The following CLNK variants were observed in gnomAD, a reference collection of about 807,000 sequenced individuals.
CLNK encodes the protein cytokine-dependent hematopoietic cell linker.
CLNK carries 74 observed loss-of-function variants against 68.6 expected under a neutral mutation model. That is an observed-to-expected ratio of 1.08 (90% CI 0.89 to 1.31). The LOEUF (loss-of-function observed/expected upper bound fraction) is 1.31. Ranked by LOEUF, CLNK falls within the 50% of genes most tolerant of loss-of-function variation. CLNK has a pLI of 0.00. For missense variants in CLNK, 553 were observed against 515.3 expected (o/e 1.07, Z -0.71); for synonymous variants, 198 against 172.2 (o/e 1.15, Z -1.17).
chr4:10,602,287 T>A (rs540394221), intron 2 of CLNK, among the ~76,000 whole-genome samples: 6 of 152,310 alleles, frequency 3.9e-5, no homozygotes, highest in African/African-American at 1.4e-4. Context: ...TTGAATTGAT[T>A]TGTGGGTTTA....
At chr4:10,531,532 G>A in intron 12 of CLNK, 1 of 286,702 alleles carries the variant, frequency 3.5e-6, no homozygotes, top group Non-Finnish European at 7.0e-6. Flanking sequence ...TGCCTCCTGG[G>A]TTCAAGCGAT....
rs1186013211 is a variant in CLNK, at chr4:10,586,061, G to A, written c.84-1106C>T. 2.0e-5 allele frequency among the ~76,000 whole-genome samples: 3 copies of A among 152,112 alleles called. No homozygotes were observed. The East Asian group carries it at 5.8e-4, about 29-fold the overall frequency. On this transcript the variant is annotated intron_variant, in intron 3 of 18. Transcript: ENST00000226951. ...ACTCTCATGCACGGTTCACGGTAGG[G>A]TTTGTGCTCCTATGAGAATCTAATG...
At chr4:10,693,010 C>T in the CLNK span, among the ~76,000 whole-genome samples, 1 of 152,152 alleles carries the variant, frequency 6.6e-6, no homozygotes, top group Non-Finnish European at 1.5e-5. Flanking sequence ...AATCTGGGGA[C>T]ATAATTTTCA....
intron 2 of CLNK, chr4:10,598,739 G>T: frequency 2.5e-6 from 1 of 397,746 alleles, no homozygotes; most frequent in Non-Finnish European, 5.1e-6. Context: ...CATTTAATCA[G>T]CCACGTTTCC....
intron 2 of CLNK, among the ~76,000 whole-genome samples, chr4:10,652,645 G>A (rs1723791826): frequency 6.6e-6 from 1 of 152,036 alleles, no homozygotes; most frequent in African/African-American, 2.4e-5. Flanking sequence ...TCACCAGGAG[G>A]GAATAATAGT....
chr4:10,560,743 T>A (rs1421901864), intron 7 of CLNK, among the ~76,000 whole-genome samples: 1 of 152,226 alleles, frequency 6.6e-6, no homozygotes, highest in Non-Finnish European at 1.5e-5. Flanking sequence ...CACACCTGGC[T>A]GGAGATCCAT....
chr4:10,602,482 G>A (rs1284764452), intron 2 of CLNK, among the ~76,000 whole-genome samples: 1 of 152,200 alleles, frequency 6.6e-6, no homozygotes, highest in Non-Finnish European at 1.5e-5. Context: ...CCCATGTGAA[G>A]ATGGCGGAGA....
intron 8 of CLNK, among the ~76,000 whole-genome samples, chr4:10,549,161 C>T (rs1719348776): frequency 6.6e-6 from 1 of 152,216 alleles, no homozygotes; most frequent in South Asian, 2.1e-4. Context: ...GGGATTTCAG[C>T]CGCATCAAAT....
the CLNK span, among the ~76,000 whole-genome samples, chr4:10,701,893 G>A: frequency 3.3e-5 from 5 of 152,176 alleles, no homozygotes; most frequent in Admixed American, 6.5e-5. Context: ...GGGAGAAAGC[G>A]TGGTTAGGCA....
chr4:10,645,761 A>G (rs1443079490), intron 2 of CLNK, among the ~76,000 whole-genome samples: 3 of 152,212 alleles, frequency 2.0e-5, no homozygotes, highest in Non-Finnish European at 2.9e-5. Flanking sequence ...AAGTTCTAGT[A>G]TTCAAGAGTA....
the CLNK span, among the ~76,000 whole-genome samples, chr4:10,691,465 G>A: frequency 6.6e-6 from 1 of 152,124 alleles, no homozygotes; most frequent in African/African-American, 2.4e-5. Flanking sequence ...AGACAGAGAC[G>A]TAAGTTCCAA....
At chr4:10,559,431 C>G (rs1275655251) in intron 7 of CLNK, among the ~76,000 whole-genome samples, 1 of 152,118 alleles carries the variant, frequency 6.6e-6, no homozygotes, top group Non-Finnish European at 1.5e-5. Flanking sequence ...ATTACACCAT[C>G]AGCTTTCAAT....
intron 2 of CLNK, among the ~76,000 whole-genome samples, chr4:10,653,883 G>A (rs1466604374): frequency 6.6e-6 from 1 of 152,196 alleles, no homozygotes; most frequent in African/African-American, 2.4e-5. Flanking sequence ...AAACACGTAT[G>A]TAGAAAAATA....
In CLNK at chr4:10,488,773, C is replaced by T. The variant is rs1246760930; in HGVS notation, c.*1694G>A. On this transcript the variant is annotated 3_prime_UTR_variant, in exon 19 of 19. Coordinates refer to ENST00000226951, the MANE Select transcript of CLNK (RefSeq NM_052964.4). ...GATGCTAAGAGCTTTTCCCAGAGAG[C>T]TCATTGTCTGCTGTCTTACAAAAGA... 1 of 152,220 alleles carries T rather than the reference C, an allele frequency of 6.6e-6. No homozygotes were observed. Among genetic ancestry groups the T allele is most frequent in the Non-Finnish European group, 1.5e-5 (1 of 68,036 alleles). The allele number at this position is 152,220 out of a possible 1,614,324, so 9.4% of individuals were successfully genotyped here.
intron 2 of CLNK, among the ~76,000 whole-genome samples, chr4:10,656,124 A>T (rs1284166891): frequency 6.6e-6 from 1 of 152,140 alleles, no homozygotes; most frequent in East Asian, 1.9e-4. Context: ...CAACGTAGGA[A>T]GCTATGATCT....
At chr4:10,651,456 C>T (rs1426482648) in intron 2 of CLNK, among the ~76,000 whole-genome samples, 3 of 152,120 alleles carry the variant, frequency 2.0e-5, no homozygotes, top group Non-Finnish European at 4.4e-5. Flanking sequence ...TAACAGAAAA[C>T]CTAACTCCGT....
chr4:10,529,027 A>C (rs1455505523), intron 12 of CLNK, among the ~76,000 whole-genome samples: 1 of 152,180 alleles, frequency 6.6e-6, no homozygotes. Flanking sequence ...AGCAAAAAGC[A>C]TTACAGTAGA....
Position 10,540,551 on chromosome 4 carries a change from C to T in CLNK, c.545G>A (p.Ser182Asn). The T allele has an allele frequency of 1.2e-6, 2 of 1,613,910 alleles. No homozygotes were observed. The highest frequency in any genetic ancestry group is 1.1e-5 in the South Asian group (1 of 91,082). ...KYQPLPPEPE[S>N]SRPPLSQRHT... ...TCTCTGAGATAAAGGTGGCCTGCTG[C>T]TCTCCGGCTCAGGGGGCAAGGGTTG... is the stretch of plus-strand genomic sequence containing the variant. The change falls in exon 11 of 19, where the codon AGC (serine) becomes AAC (asparagine). Residue 182 changes from serine to asparagine, a missense_variant. By Grantham distance (46) the Ser-to-Asn change is conservative. Transcript: ENST00000226951.
chr4:10,634,358 C>G (rs1723000465), intron 2 of CLNK, among the ~76,000 whole-genome samples: 1 of 152,190 alleles, frequency 6.6e-6, no homozygotes, highest in Non-Finnish European at 1.5e-5. Flanking sequence ...GCTGGAGACC[C>G]CACTGTTTCC....
Sources: gnomAD v4.1 joint callset for allele counts (sites outside exome capture counted in the v4.1 genomes callset) on GRCh38, gnomAD v4.1.1 for gene constraint, MANE v1.5 for transcripts, NCBI Gene and HGNC (gene_info 2026-07-23, HGNC 2026-07-21) for gene names.